Variants in CNTNAP2 observed in about 807,000 individuals in gnomAD.
The protein encoded by CNTNAP2 is contactin-associated protein-like 2.
Under a neutral mutation model 155.2 loss-of-function variants are expected in CNTNAP2, and 98 were observed. That is an observed-to-expected ratio of 0.63 (90% CI 0.54 to 0.75). CNTNAP2 has a LOEUF of 0.75. CNTNAP2 is among the 30% of genes least tolerant of loss of function. The pLI is 0.00. For synonymous variants in CNTNAP2, 651 were observed against 631.2 expected (o/e 1.03, Z -0.47); for missense variants, 1,727 against 1,688.1 (o/e 1.02, Z -0.40).
chr7:146,891,720 G>C (rs1271527349), intron 3 of CNTNAP2, among the ~76,000 whole-genome samples: 1 of 152,106 alleles, frequency 6.6e-6, no homozygotes, highest in African/African-American at 2.4e-5. Context: ...GGTTGTTAAT[G>C]ACAAATACGT....
At chr7:147,284,147 G>A (rs1324432405) in intron 8 of CNTNAP2, among the ~76,000 whole-genome samples, 1 of 151,478 alleles carries the variant, frequency 6.6e-6, no homozygotes, top group Non-Finnish European at 1.5e-5. Flanking sequence ...TTATTTTAAT[G>A]TGCCCTAAAT....
chr7:146,311,491 G>A (rs1455677834), intron 1 of CNTNAP2, among the ~76,000 whole-genome samples: 1 of 151,272 alleles, frequency 6.6e-6, no homozygotes, highest in African/African-American at 2.4e-5. Context: ...TTTTATAGAG[G>A]TCAGGCATGG....
In CNTNAP2 at chr7:147,307,423, A is replaced by C. The variant is rs373997755; in HGVS notation, c.1498+7133A>C. Among the ~76,000 whole-genome samples, 260 of 148,416 alleles carry C rather than the reference A, an allele frequency of 1.8e-3. 1 individual carries two copies. The highest frequency in any genetic ancestry group is 5.7e-3 in the African/African-American group (225 of 39,368). On this transcript the variant is annotated intron_variant, in intron 9 of 23. Transcript: ENST00000361727. ...TGAAACCCTATCTCTACTAAAAAAAACCACAAAAATTAGCCAGGCATGGTG... is the reference window on the plus strand; with the variant it reads ...TGAAACCCTATCTCTACTAAAAAAACCCACAAAAATTAGCCAGGCATGGTG...
chr7:146,880,884 T>G (rs1795536600), intron 3 of CNTNAP2, among the ~76,000 whole-genome samples: 1 of 152,182 alleles, frequency 6.6e-6, no homozygotes. Flanking sequence ...ACTTACTAAC[T>G]TCAGAAATGT....
intron 1 of CNTNAP2, among the ~76,000 whole-genome samples, chr7:146,324,517 G>A (rs956957860): frequency 4.6e-5 from 7 of 152,218 alleles, no homozygotes; most frequent in East Asian, 1.9e-4. Flanking sequence ...TTCTCTAGAC[G>A]TAGTAGAAAT....
chr7:147,468,302 ATACT>A (rs1318425956), intron 10 of CNTNAP2, among the ~76,000 whole-genome samples: 4 of 152,124 alleles, frequency 2.6e-5, no homozygotes, highest in African/African-American at 9.7e-5. Flanking sequence ...ACAAAATAGA[ATACT>A]TACAAATTTA....
At chr7:146,869,658 C>T (rs550034886) in intron 3 of CNTNAP2, among the ~76,000 whole-genome samples, 1 of 152,124 alleles carries the variant, frequency 6.6e-6, no homozygotes, top group Non-Finnish European at 1.5e-5. Flanking sequence ...GAGCCCCTTG[C>T]AAACCACTGG....
chr7:148,254,659 C>T (rs1361684886), intron 20 of CNTNAP2, among the ~76,000 whole-genome samples: 1 of 151,710 alleles, frequency 6.6e-6, no homozygotes, highest in African/African-American at 2.4e-5. Flanking sequence ...ACCTGTAGTC[C>T]CAGCTACTCA....
chr7:147,135,478 T>C (rs1801459953), intron 8 of CNTNAP2, among the ~76,000 whole-genome samples: 1 of 151,852 alleles, frequency 6.6e-6, no homozygotes, highest in Non-Finnish European at 1.5e-5. Context: ...GATTTATGAA[T>C]ACATATTTAG....
chr7:146,941,770 G>T (rs1253474411), intron 3 of CNTNAP2, among the ~76,000 whole-genome samples: 1 of 151,464 alleles, frequency 6.6e-6, no homozygotes, highest in African/African-American at 2.4e-5. Context: ...TGCTACTCTT[G>T]GTTGACAGAT....
chr7:147,273,920 AT>A (rs1279682822), intron 8 of CNTNAP2, among the ~76,000 whole-genome samples: 1 of 148,004 alleles, frequency 6.8e-6, no homozygotes, highest in East Asian at 1.9e-4. Context: ...TATTTTATAT[AT>A]TTCATATATA....
intron 8 of CNTNAP2, among the ~76,000 whole-genome samples, chr7:147,148,534 G>A (rs552988178): frequency 1.3e-5 from 2 of 152,350 alleles, no homozygotes; most frequent in East Asian, 3.9e-4. Flanking sequence ...CTTCCAGTGG[G>A]TTTTTGGTCT....
chr7:146,389,824 G>A (rs1795514700), intron 1 of CNTNAP2, among the ~76,000 whole-genome samples: 1 of 148,698 alleles, frequency 6.7e-6, no homozygotes, highest in Non-Finnish European at 1.5e-5. Flanking sequence ...GCCTCAGTTT[G>A]CCGAGTAGCT....
At chr7:148,295,858 G>A (rs1797274327) in intron 21 of CNTNAP2, among the ~76,000 whole-genome samples, 1 of 152,068 alleles carries the variant, frequency 6.6e-6, no homozygotes, top group African/African-American at 2.4e-5. Flanking sequence ...AAAAAGCAGT[G>A]ATAGGGACCC....
At chr7:148,324,558 G>A (rs1485966570) in intron 21 of CNTNAP2, among the ~76,000 whole-genome samples, 2 of 152,102 alleles carry the variant, frequency 1.3e-5, no homozygotes, top group African/African-American at 2.4e-5. Context: ...AACACTTTAG[G>A]AGGCCAAGGC....
chr7:146,273,901 G>A (rs541083081), intron 1 of CNTNAP2, among the ~76,000 whole-genome samples: 1 of 152,000 alleles, frequency 6.6e-6, no homozygotes, highest in African/African-American at 2.4e-5. Flanking sequence ...TATAAAAATG[G>A]TATATTATTC....
At chr7:146,925,563 T>C (rs1796591548) in intron 3 of CNTNAP2, among the ~76,000 whole-genome samples, 1 of 152,130 alleles carries the variant, frequency 6.6e-6, no homozygotes, top group Non-Finnish European at 1.5e-5. Context: ...ATGTTGTTAA[T>C]TTGATCATTA....
At chr7:147,813,018 G>T (rs974485778) in intron 13 of CNTNAP2, among the ~76,000 whole-genome samples, 11 of 151,900 alleles carry the variant, frequency 7.2e-5, no homozygotes, top group Non-Finnish European at 1.5e-4. Flanking sequence ...GGAGCAAGGA[G>T]AATTTAATTA....
intron 12 of CNTNAP2, among the ~76,000 whole-genome samples, chr7:147,572,167 A>G (rs530692421): frequency 5.4e-4 from 81 of 149,430 alleles, no homozygotes; most frequent in African/African-American, 1.6e-3. Context: ...ACTCCCAAAG[A>G]CTCCCTTCTG....
Sources: gnomAD v4.1 joint callset for allele counts (sites outside exome capture counted in the v4.1 genomes callset) on GRCh38, gnomAD v4.1.1 for gene constraint, MANE v1.5 for transcripts, NCBI Gene and HGNC (gene_info 2026-07-23, HGNC 2026-07-21) for gene names.